PRKG1: variants seen among roughly 807,000 people sequenced by gnomAD.
The protein encoded by PRKG1 is protein kinase cGMP-dependent 1, also known as cGMP-dependent protein kinase 1.
Under a neutral mutation model 88.1 loss-of-function variants are expected in PRKG1, and 35 were observed. That is an observed-to-expected ratio of 0.40 (90% CI 0.30 to 0.53). PRKG1 has a LOEUF of 0.53. PRKG1 is among the 20% of genes least tolerant of loss of function. PRKG1 has a pLI of 0.59. For missense variants in PRKG1, 540 were observed against 839.8 expected (o/e 0.64, Z 4.41); for synonymous variants, 303 against 292.5 (o/e 1.04, Z -0.37).
chr10:51,894,813 A>G (rs1189914428), intron 4 of PRKG1, among the ~76,000 whole-genome samples: 1 of 152,184 alleles, frequency 6.6e-6, no homozygotes, highest in Non-Finnish European at 1.5e-5. Context: ...CATAACTGAT[A>G]TTTGTATAGT....
chr10:52,145,526 G>A (rs994257173), intron 8 of PRKG1, among the ~76,000 whole-genome samples: 5 of 152,066 alleles, frequency 3.3e-5, no homozygotes, highest in South Asian at 2.1e-4. Flanking sequence ...TTGAGGAGAC[G>A]TTATAATGCT....
At chr10:51,629,876 T>C (rs1839479607) in intron 3 of PRKG1, among the ~76,000 whole-genome samples, 1 of 152,178 alleles carries the variant, frequency 6.6e-6, no homozygotes, top group Non-Finnish European at 1.5e-5. Flanking sequence ...AAGAAGGCCC[T>C]GGCTCCATCT....
chr10:51,150,821 A>C (rs1225173339), intron 1 of PRKG1, among the ~76,000 whole-genome samples: 1 of 152,034 alleles, frequency 6.6e-6, no homozygotes, highest in African/African-American at 2.4e-5. Flanking sequence ...GGATAATTCT[A>C]AGGAATTGTG....
chr10:52,087,545 G>T (rs899089236), intron 7 of PRKG1, among the ~76,000 whole-genome samples: 1 of 151,654 alleles, frequency 6.6e-6, no homozygotes, highest in Non-Finnish European at 1.5e-5. Flanking sequence ...GTCTTTAATT[G>T]TATCTAGATT....
At chr10:52,053,396 G>A (rs563010179) in intron 5 of PRKG1, among the ~76,000 whole-genome samples, 2 of 152,264 alleles carry the variant, frequency 1.3e-5, no homozygotes, top group South Asian at 2.1e-4. Context: ...AGCACTTTAT[G>A]TGTTAAGAAA....
intron 2 of PRKG1, among the ~76,000 whole-genome samples, chr10:51,408,957 C>T (rs1451523270): frequency 2.6e-5 from 4 of 152,306 alleles, no homozygotes; most frequent in African/African-American, 4.8e-5. Flanking sequence ...ATTTCTTTGC[C>T]GCCAATTTTC....
chr10:52,238,773 G>A (rs1840762953), intron 9 of PRKG1, among the ~76,000 whole-genome samples: 2 of 149,974 alleles, frequency 1.3e-5, no homozygotes, highest in Non-Finnish European at 3.0e-5. Flanking sequence ...CGATTCCTCA[G>A]GGATCTAGAG....
intron 2 of PRKG1, among the ~76,000 whole-genome samples, chr10:51,318,942 A>T (rs1197561112): frequency 2.6e-5 from 4 of 152,214 alleles, no homozygotes; most frequent in Non-Finnish European, 5.9e-5. Flanking sequence ...TTCCCATGAC[A>T]GTTAAATAAT....
At chr10:52,099,201 A>ATT (rs5784903) in intron 7 of PRKG1, among the ~76,000 whole-genome samples, 3 of 151,824 alleles carry the variant, frequency 2.0e-5, no homozygotes, top group East Asian at 1.9e-4. Context: ...GTGTAATCTC[A>ATT]TTTTTTTATT....
intron 3 of PRKG1, among the ~76,000 whole-genome samples, chr10:51,579,012 C>G (rs1489513553): frequency 6.5e-5 from 5 of 77,120 alleles, no homozygotes; most frequent in African/African-American, 2.2e-4. Context: ...TTTTTTTAGA[C>G]AGAGTCTCAC....
chr10:51,052,136 G>A, intron 1 of PRKG1, among the ~76,000 whole-genome samples: 1 of 152,070 alleles, frequency 6.6e-6, no homozygotes, highest in East Asian at 1.9e-4. Flanking sequence ...AAATTTTATT[G>A]TTTCTCAAAA....
At chr10:52,073,017 C>CA (rs1330548562) in intron 7 of PRKG1, among the ~76,000 whole-genome samples, 1 of 152,208 alleles carries the variant, frequency 6.6e-6, no homozygotes, top group Non-Finnish European at 1.5e-5. Context: ...GTCACCAGGC[C>CA]ACACTCCCTT....
chr10:51,484,271 G>A (rs988218629), intron 3 of PRKG1, among the ~76,000 whole-genome samples: 1 of 152,098 alleles, frequency 6.6e-6, no homozygotes, highest in African/African-American at 2.4e-5. Flanking sequence ...CCTATTAGCA[G>A]TTTCCGCGTA....
At chr10:51,287,152 C>T (rs906484655) in intron 2 of PRKG1, among the ~76,000 whole-genome samples, 13 of 152,190 alleles carry the variant, frequency 8.5e-5, no homozygotes, top group African/African-American at 3.1e-4. Flanking sequence ...GCTGGTATTA[C>T]ACGTATAAGC....
chr10:51,668,068 G>A (rs1840466412), intron 3 of PRKG1, among the ~76,000 whole-genome samples: 1 of 152,034 alleles, frequency 6.6e-6, no homozygotes, highest in African/African-American at 2.4e-5. Flanking sequence ...CAAATCTGCT[G>A]CCATTTTCTT....
Position 52,116,067 on chromosome 10 carries a change from C to T in PRKG1, c.936-17773C>T, listed in dbSNP as rs79753963. The stretch of plus-strand genomic sequence containing the variant: ...AGAAATAACCTGATTGGTTACGGCA[C>T]TGCCTTTTCCTTATTTGGACATGTT... On this transcript the variant is annotated intron_variant, in intron 7 of 17. Coordinates refer to ENST00000373980, the MANE Select transcript of PRKG1 (RefSeq NM_006258.4). 8.5e-3 allele frequency among the ~76,000 whole-genome samples: 1,287 copies of T among 152,176 alleles called. 19 individuals are homozygous for T. Among genetic ancestry groups the T allele is most frequent in the African/African-American group, 0.029 (1,203 of 41,524 alleles).
At chr10:51,543,167 CA>C (rs1463909039) in intron 3 of PRKG1, among the ~76,000 whole-genome samples, 2 of 152,030 alleles carry the variant, frequency 1.3e-5, no homozygotes, top group African/African-American at 4.8e-5. Context: ...CTAACATTAC[CA>C]ATAATGTAAC....
chr10:51,400,175 G>A (rs1837697912), intron 2 of PRKG1, among the ~76,000 whole-genome samples: 1 of 152,090 alleles, frequency 6.6e-6, no homozygotes, highest in Non-Finnish European at 1.5e-5. Context: ...AAAGAGCAAT[G>A]ATTAAGACAG....
intron 3 of PRKG1, among the ~76,000 whole-genome samples, chr10:51,485,665 A>T (rs1589006712): frequency 6.6e-6 from 1 of 152,230 alleles, no homozygotes; most frequent in Non-Finnish European, 1.5e-5. Flanking sequence ...ACTAAATATC[A>T]GAACATGTTA....
Sources: allele counts gnomAD v4.1 joint callset (sites outside exome capture counted in the v4.1 genomes callset), GRCh38; gene constraint gnomAD v4.1.1; transcripts MANE v1.5; gene names NCBI Gene and HGNC (gene_info 2026-07-23, HGNC 2026-07-21).